Variants in RGS7 observed in about 807,000 individuals in gnomAD.
RGS7 encodes regulator of G protein signaling 7, also known as regulator of G-protein signaling 7.
In RGS7, 27 loss-of-function variants were observed where a neutral mutation model predicts 81.1. That is an observed-to-expected ratio of 0.33 (90% confidence interval 0.25 to 0.46). The LOEUF is 0.46. Among genes scored for constraint, RGS7 ranks in the 20% least tolerant of loss-of-function variants. The probability of loss-of-function intolerance (pLI) is 1.00; values close to 1 mark genes in which losing one functional copy is unlikely to be tolerated. For missense variants in RGS7, 396 were observed against 607.4 expected (o/e 0.65, Z 3.66); for synonymous variants, 208 against 207.7 (o/e 1.00, Z -0.01).
intron 4 of RGS7, among the ~76,000 whole-genome samples, chr1:240,967,137 T>C (rs1305457122): frequency 6.6e-6 from 1 of 152,192 alleles, no homozygotes; most frequent in East Asian, 1.9e-4. Context: ...CAAGATATCC[T>C]TGGAAGTGGT....
intron 2 of RGS7, among the ~76,000 whole-genome samples, chr1:241,305,397 C>A (rs933411559): frequency 6.6e-6 from 1 of 152,148 alleles, no homozygotes; most frequent in African/African-American, 2.4e-5. Context: ...TGCTAATAAG[C>A]ATGTCAGCTT....
intron 6 of RGS7, among the ~76,000 whole-genome samples, chr1:240,913,233 T>G (rs1672049873): frequency 6.6e-6 from 1 of 152,248 alleles, no homozygotes; most frequent in Non-Finnish European, 1.5e-5. Context: ...TTGTTTTTAT[T>G]TTGTATGTAT....
intron 2 of RGS7, among the ~76,000 whole-genome samples, chr1:241,107,268 T>G (rs1401539848): frequency 1.3e-5 from 2 of 152,178 alleles, no homozygotes; most frequent in African/African-American, 4.8e-5. Flanking sequence ...GTTTTACAGT[T>G]TGTGAAATTA....
chr1:241,264,057 C>G (rs1227103974), intron 2 of RGS7, among the ~76,000 whole-genome samples: 2 of 152,174 alleles, frequency 1.3e-5, no homozygotes, highest in African/African-American at 4.8e-5. Context: ...CCACCGTGCA[C>G]CACCCTGACT....
At chr1:241,228,003 T>G (rs770241669) in intron 2 of RGS7, among the ~76,000 whole-genome samples, 1 of 152,182 alleles carries the variant, frequency 6.6e-6, no homozygotes, top group African/African-American at 2.4e-5. Context: ...GAGTTGCTGG[T>G]AGCCAACAGG....
chr1:240,983,371 T>G (rs1027102021), intron 3 of RGS7, among the ~76,000 whole-genome samples: 2 of 152,150 alleles, frequency 1.3e-5, no homozygotes, highest in African/African-American at 4.8e-5. Flanking sequence ...TAAATGGAAA[T>G]AAAATTTACT....
chr1:241,259,667 A>AAAATATATATATAT, intron 2 of RGS7, among the ~76,000 whole-genome samples: 25 of 49,138 alleles, frequency 5.1e-4, no homozygotes, highest in African/African-American at 1.7e-3. Context: ...AAAAAAAAAA[A>AAAATATATATATAT]ATATATATAT....
intron 5 of RGS7, among the ~76,000 whole-genome samples, chr1:240,932,513 C>CTTTTTTTTT (rs56232293): frequency 0.043 from 5,495 of 126,794 alleles, 440 homozygotes; most frequent in African/African-American, 0.1. Flanking sequence ...TAGGGTGTCA[C>CTTTTTTTTT]TTTTTTTTTT....
At chr1:241,089,063 C>CTCTCTCTCTCTCTCTCTATATATA (rs1374552672) in intron 3 of RGS7, among the ~76,000 whole-genome samples, 1 of 23,686 alleles carries the variant, frequency 4.2e-5, no homozygotes, top group Non-Finnish European at 7.4e-5. Context: ...CTCTCTCTCT[C>CTCTCTCTCTCTCTCTCTATATATA]TATATATATA....
At chr1:241,337,932 G>A (rs1486369057) in intron 2 of RGS7, among the ~76,000 whole-genome samples, 1 of 152,074 alleles carries the variant, frequency 6.6e-6, no homozygotes, top group Non-Finnish European at 1.5e-5. Flanking sequence ...TATTGTTTTG[G>A]TTAGTGTTTA....
intron 18 of RGS7, among the ~76,000 whole-genome samples, chr1:240,784,013 TAAAAA>T (rs71172645): frequency 1.2e-5 from 1 of 83,360 alleles, no homozygotes; most frequent in African/African-American, 5.1e-5. Context: ...CTGTCTCTAC[TAAAAA>T]AAAAAAAAAA....
intron 2 of RGS7, among the ~76,000 whole-genome samples, chr1:241,201,719 C>T (rs915252468): frequency 2.6e-5 from 4 of 151,938 alleles, no homozygotes; most frequent in African/African-American, 9.7e-5. Context: ...TTCATTTAAT[C>T]CTCATTAGTT....
At chr1:241,031,080 A>G (rs189932045) in intron 3 of RGS7, among the ~76,000 whole-genome samples, 3 of 152,308 alleles carry the variant, frequency 2.0e-5, no homozygotes, top group Admixed American at 6.5e-5. Flanking sequence ...AATTAGGTAC[A>G]TTGTACTCAT....
chr1:240,985,656 C>T (rs1177593107), intron 3 of RGS7, among the ~76,000 whole-genome samples: 3 of 152,026 alleles, frequency 2.0e-5, no homozygotes, highest in South Asian at 2.1e-4. Context: ...GTGTGATCGC[C>T]CCAGCATATT....
chr1:240,810,672 A>G (rs1321036817), intron 14 of RGS7, among the ~76,000 whole-genome samples: 2 of 152,156 alleles, frequency 1.3e-5, no homozygotes, highest in African/African-American at 2.4e-5. Context: ...CTGCTCTCAA[A>G]TTCCTGGCCT....
At chr1:241,343,194 G>A (rs2082676189) in intron 2 of RGS7, among the ~76,000 whole-genome samples, 1 of 151,770 alleles carries the variant, frequency 6.6e-6, no homozygotes, top group African/African-American at 2.4e-5. Flanking sequence ...CCCGGGAGGT[G>A]GAGCTTGCAG....
At chr1:240,816,541 C>T (rs1441941437) in intron 10 of RGS7, 126 bp from the exon 11 acceptor site, 2 of 668,650 alleles carry the variant, frequency 3.0e-6, no homozygotes, top group Non-Finnish European at 2.6e-6. Context: ...AGCTTCTTAA[C>T]AAAATTCAAA....
chr1:241,226,831 G>C (rs1400833900), intron 2 of RGS7, among the ~76,000 whole-genome samples: 1 of 152,142 alleles, frequency 6.6e-6, no homozygotes, highest in Non-Finnish European at 1.5e-5. Context: ...TCTCCACACA[G>C]GTGTTTTGGC....
intron 3 of RGS7, among the ~76,000 whole-genome samples, chr1:241,015,801 C>G (rs960601864): frequency 6.6e-6 from 1 of 152,108 alleles, no homozygotes; most frequent in Non-Finnish European, 1.5e-5. Flanking sequence ...TTCCAGTGAT[C>G]AATATAAGAT....
Sources: allele counts gnomAD v4.1 joint callset (sites outside exome capture counted in the v4.1 genomes callset), GRCh38; gene constraint gnomAD v4.1.1; transcripts MANE v1.5; gene names NCBI Gene and HGNC (gene_info 2026-07-23, HGNC 2026-07-21).